The following FBXL16 variants were observed in gnomAD, a reference collection of about 807,000 sequenced individuals.
FBXL16 encodes F-box and leucine rich repeat protein 16.
In FBXL16, 7 loss-of-function variants were observed where a neutral mutation model predicts 36.7. The ratio of observed to expected loss-of-function variants is 0.19; its 90% CI spans 0.11 to 0.36. FBXL16 has a LOEUF of 0.36. FBXL16 is among the 10% of genes least tolerant of loss of function. The probability of loss-of-function intolerance (pLI) is 1.00; values close to 1 mark genes in which losing one functional copy is unlikely to be tolerated. For synonymous variants in FBXL16, 355 were observed against 308.7 expected (o/e 1.15, Z -1.57); for missense variants, 463 against 659.4 (o/e 0.70, Z 3.26).
At chr16:695,955 CAGG>C (rs769164060) in intron 2 of FBXL16, 32 bp from the exon 3 acceptor site, 16 of 1,551,974 alleles carry the variant, frequency 1.0e-5, no homozygotes, top group Middle Eastern at 1.8e-4. Flanking sequence ...GTCAGGATTG[CAGG>C]AGAAGGGGTG....
rs1469280732 is a variant in FBXL16, at chr16:692,644, GGGTT to G, written c.*1627_*1630del. 1 of 152,516 alleles carries G rather than the reference GGGTT, an allele frequency of 6.6e-6. No individual in the cohort carries two copies. Among genetic ancestry groups the G allele is most frequent in the Non-Finnish European group, 1.5e-5 (1 of 68,030 alleles). 9.4% of individuals were successfully genotyped at this position (152,516 alleles called of 1,614,324 possible). A position where few individuals can be genotyped will look rare whatever the true frequency, so the allele number is the denominator to read the frequency against. The stretch of plus-strand genomic sequence containing the variant: ...ATGTACAATAAGAAAATGATTTTAG[GGGTT>G]GGTTGGTTTTGTTTTCCTCTCTCCC... On this transcript the variant is annotated 3_prime_UTR_variant, in exon 6 of 6. Coordinates refer to ENST00000397621, the MANE Select transcript of FBXL16 (RefSeq NM_153350.4).
At chr16:698,091 C>A (rs1275808309) in intron 1 of FBXL16, among the ~76,000 whole-genome samples, 1 of 152,132 alleles carries the variant, frequency 6.6e-6, no homozygotes, top group Non-Finnish European at 1.5e-5. Flanking sequence ...AACCTCTCTG[C>A]CTCGTAGGTT....
chr16:698,913 CA>C (rs767619638), intron 1 of FBXL16, among the ~76,000 whole-genome samples: 739 of 89,702 alleles, frequency 8.2e-3, no homozygotes, highest in Non-Finnish European at 0.014. Flanking sequence ...GACTTTGTCT[CA>C]AAAAAAAAAA....
rs2039985195 is a variant in FBXL16, at chr16:693,359, G to T, written c.*916C>A. 6.6e-6 allele frequency: 1 copy of T among 152,406 alleles called. No homozygotes were observed. Among genetic ancestry groups the T allele is most frequent in the African/African-American group, 2.4e-5 (1 of 41,460 alleles). 9.4% of individuals were successfully genotyped at this position (152,406 alleles called of 1,614,324 possible). On this transcript the variant is annotated 3_prime_UTR_variant, in exon 6 of 6. Coordinates refer to ENST00000397621, the MANE Select transcript of FBXL16 (RefSeq NM_153350.4). ...AGCTCGGTGCCCAGGCCTGAACTGAGCCCGGCCGGGTGCAAGGGCTGAGGT... is the reference window on the plus strand; with the variant it reads ...AGCTCGGTGCCCAGGCCTGAACTGATCCCGGCCGGGTGCAAGGGCTGAGGT...
intron 1 of FBXL16, among the ~76,000 whole-genome samples, chr16:704,644 C>T (rs1166801224): frequency 1.3e-5 from 2 of 152,232 alleles, no homozygotes; most frequent in African/African-American, 2.4e-5. Flanking sequence ...GGCTGGGAGA[C>T]GGCCCTGTGT....
Position 697,564 on chromosome 16 carries a change from T to G in FBXL16, c.-14-145A>C. ...ACCAGACAGAGAGGATGGGAGTGCC[T>G]GCTTCTCCCTCCCAGACTGTGAGCA... On this transcript the variant is annotated intron_variant, in intron 1 of 5. Coordinates refer to ENST00000397621, the MANE Select transcript of FBXL16 (RefSeq NM_153350.4). This position sits in a 1 kb window ranked among gnomAD's most constrained non-coding sequence, Gnocchi z 4.6. 1 of 1,079,420 alleles carries G rather than the reference T, an allele frequency of 9.3e-7. No homozygotes were observed. Among genetic ancestry groups the G allele is most frequent in the Non-Finnish European group, 1.3e-6 (1 of 786,070 alleles). The allele number at this position is 1,079,420 out of a possible 1,614,324, so 66.9% of individuals were successfully genotyped here.
intron 2 of FBXL16, among the ~76,000 whole-genome samples, chr16:696,452 T>C (rs2040011931): frequency 6.6e-6 from 1 of 152,080 alleles, no homozygotes. Context: ...TTAATAGAAA[T>C]AGAGTTTCAC....
rs2039978715 is a variant in FBXL16, at chr16:692,523, A to G, written c.*1752T>C. 6.6e-6 allele frequency: 1 copy of G among 152,414 alleles called. No individual in the cohort carries two copies. The highest frequency in any genetic ancestry group is 2.1e-4 in the South Asian group (1 of 4,832). The allele number at this position is 152,414 out of a possible 1,614,324, so 9.4% of individuals were successfully genotyped here. On this transcript the variant is annotated 3_prime_UTR_variant, in exon 6 of 6. Transcript: ENST00000397621. ...CATGTTTTTACAACTTTTTTAATAT[A>G]TATTTTTATAAACAGGTCACGTGAT...
chr16:694,972 C>T lies in FBXL16; in HGVS notation c.1227+20G>A, dbSNP rs778550937. On this transcript the variant is annotated intron_variant, in intron 4 of 5. Coordinates refer to ENST00000397621, the MANE Select transcript of FBXL16 (RefSeq NM_153350.4). The stretch of plus-strand genomic sequence containing the variant: ...CACCTCCCCGCCGATCCCCCAATCC[C>T]GGGGCGTGAGAGCCGGTACCTGGCA... 1.6e-5 allele frequency: 25 copies of T among 1,523,508 alleles called. No homozygotes were observed. The highest frequency in any genetic ancestry group is 2.3e-5 in the East Asian group (1 of 43,528). 94.4% of individuals were successfully genotyped at this position (1,523,508 alleles called of 1,614,324 possible).
rs1323298743 is a variant in FBXL16, at chr16:693,866, GGT to G, written c.*407_*408del. On this transcript the variant is annotated 3_prime_UTR_variant, in exon 6 of 6. Coordinates refer to ENST00000397621, the MANE Select transcript of FBXL16 (RefSeq NM_153350.4). ...GGGGGGACAGTGGGAAGACAGAGCG[GGT>G]GTGGCGGGGAAGGCGGTAAGGGCAC... 1 of 153,604 alleles carries G rather than the reference GGT, an allele frequency of 6.5e-6. No homozygotes were observed. The highest frequency in any genetic ancestry group is 1.9e-4 in the East Asian group (1 of 5,200). The allele number at this position is 153,604 out of a possible 1,614,324, so 9.5% of individuals were successfully genotyped here. A position where few individuals can be genotyped will look rare whatever the true frequency, so the allele number is the denominator to read the frequency against.
At chr16:694,450 G>C (rs745678430) in intron 5 of FBXL16, 27 bp from the exon 6 acceptor site, 1 of 1,529,456 alleles carries the variant, frequency 6.5e-7, no homozygotes, top group Non-Finnish European at 8.7e-7. Context: ...GGGCGGCTCA[G>C]TGCGCGCGGC....
chr16:695,115 C>A, intron 3 of FBXL16, 39 bp from the exon 4 acceptor site: 4 of 1,576,538 alleles, frequency 2.5e-6, no homozygotes, highest in Non-Finnish European at 3.5e-6. Flanking sequence ...CTTCAAATCA[C>A]CTGGCCCCGG....
Position 694,412 on chromosome 16 carries a change from G to C in FBXL16, c.1303C>G (p.Leu435Val). The C allele has an allele frequency of 1.3e-6, 2 of 1,550,178 alleles. No homozygotes were observed. The highest frequency in any genetic ancestry group is 2.9e-5 in the African/African-American group (2 of 69,470). Residue 435 changes from leucine to valine, a missense_variant, in exon 6 of 6, where the codon CTC becomes GTC. Leu to Val is a conservative substitution (Grantham distance 32). Transcript: ENST00000397621. The stretch of plus-strand genomic sequence containing the variant: ...AGGCCCGACAGCCCGGTGGTGGTGA[G>C]CAGCGGGCAGCCTGCGGCGGGGTCA... ...RLLSLAGCPL[L>V]TTTGLSGLVQ...
chr16:695,242 C>G (rs1203878914), intron 3 of FBXL16, 166 bp from the exon 4 acceptor site: 68 of 1,152,492 alleles, frequency 5.9e-5, no homozygotes, highest in Non-Finnish European at 8.0e-5. Flanking sequence ...CCAGCCAACC[C>G]GTGCTGCGGT....
At chr16:694,603 G>A (rs2151519793) in intron 5 of FBXL16, 31 bp downstream of exon 5, 1 of 1,596,300 alleles carries the variant, frequency 6.3e-7, no homozygotes, top group Non-Finnish European at 8.5e-7. Flanking sequence ...GGTGGTCACT[G>A]CCAGCGTCAG....
At chr16:703,554 G>C (rs1006065421) in intron 1 of FBXL16, among the ~76,000 whole-genome samples, 3 of 152,202 alleles carry the variant, frequency 2.0e-5, no homozygotes, top group African/African-American at 4.8e-5. Context: ...GGGGTGGCTG[G>C]GGATTGGGGA....
chr16:695,142 TG>T (rs1284098484), intron 3 of FBXL16, 66 bp from the exon 4 acceptor site: 14 of 1,499,652 alleles, frequency 9.3e-6, no homozygotes, highest in Middle Eastern at 1.7e-4. Flanking sequence ...CTCGTCTTCC[TG>T]GGAGTGCCCC....
intron 1 of FBXL16, among the ~76,000 whole-genome samples, chr16:700,812 G>C (rs948473364): frequency 1.4e-4 from 22 of 152,176 alleles, no homozygotes; most frequent in African/African-American, 5.3e-4. Context: ...GGCCGCCCCA[G>C]CCGCGCGCTC....
At chr16:700,262 C>T (rs1210619748) in intron 1 of FBXL16, among the ~76,000 whole-genome samples, 1 of 152,158 alleles carries the variant, frequency 6.6e-6, no homozygotes, top group Non-Finnish European at 1.5e-5. Flanking sequence ...GCCCTAATGG[C>T]AGGAGCCCCA....
Sources: gnomAD v4.1 joint callset for allele counts (sites outside exome capture counted in the v4.1 genomes callset) on GRCh38, gnomAD v4.1.1 for gene constraint, Gnocchi (gnomAD v3.1) non-coding constraint, MANE v1.5 for transcripts, NCBI Gene and HGNC (gene_info 2026-07-23, HGNC 2026-07-21) for gene names.